Variants in WNK1 observed in about 807,000 individuals in gnomAD.
WNK1 encodes WNK lysine deficient protein kinase 1.
WNK1 carries 38 observed loss-of-function variants against 222.8 expected under a neutral mutation model. The observed-to-expected ratio is 0.17, with a 90% confidence interval of 0.13 to 0.22. The LOEUF is 0.22. Among genes scored for constraint, WNK1 ranks in the 10% least tolerant of loss-of-function variants. WNK1 has a pLI of 1.00. For missense variants in WNK1, 2,348 were observed against 2,918.4 expected (o/e 0.80, Z 4.50); for synonymous variants, 1,090 against 1,092.9 (o/e 1.00, Z 0.05).
Position 812,321 on chromosome 12 carries a change from G to T in WNK1, c.760-1321G>T, listed in dbSNP as rs868705784. On this transcript the variant is annotated intron_variant, in intron 1 of 27. Coordinates refer to ENST00000315939, the MANE Select transcript of WNK1 (RefSeq NM_018979.4). Reference sequence around the variant, plus strand: ...GACACACACACACACTTTTAAAGGGGTATTGAGGGGAAAAGACATTTATGG... The same window carrying T: ...GACACACACACACACTTTTAAAGGGTTATTGAGGGGAAAAGACATTTATGG... Among the ~76,000 whole-genome samples, 14 of 152,246 alleles carry T rather than the reference G, an allele frequency of 9.2e-5. No homozygotes were observed. In the Middle Eastern group the frequency reaches 0.031, roughly 333 times the overall value.
In WNK1 at chr12:885,400, A is replaced by G. The variant is rs2154084344; in HGVS notation, c.4596A>G (p.Thr1532=). Residue 1532 remains threonine, a synonymous_variant, in exon 19 of 28, where the codon ACA becomes ACG. Transcript: ENST00000315939. ...VVVSAHSLDK[T]SHSSTTGLAF... ...TTAGCGCACACTCACTAGATAAGAC[A>G]TCTCATAGCAGTACAACTGGATTGG... 1.9e-6 allele frequency: 3 copies of G among 1,613,706 alleles called. No individual in the cohort carries two copies. Among genetic ancestry groups the G allele is most frequent in the Non-Finnish European group, 2.5e-6 (3 of 1,180,016 alleles).
At chr12:860,935 T>G in intron 6 of WNK1, 78 bp from the exon 7 acceptor site, 1 of 1,365,080 alleles carries the variant, frequency 7.3e-7, no homozygotes. Flanking sequence ...GCCTTTTTTT[T>G]TTTTGGCGGG....
At chr12:757,333 TA>T (rs368419754) in intron 1 of WNK1, among the ~76,000 whole-genome samples, 4,159 of 71,384 alleles carry the variant, frequency 0.058, 126 homozygotes, top group Admixed American at 0.087. Flanking sequence ...TTTTTTTTTT[TA>T]AAAAAAAAAA....
intron 1 of WNK1, among the ~76,000 whole-genome samples, chr12:802,674 T>C (rs533407105): frequency 6.6e-6 from 1 of 152,302 alleles, no homozygotes; most frequent in African/African-American, 2.4e-5. Context: ...TAACAAAGTT[T>C]GGAAGTATAG....
rs143890340 is a variant in WNK1 at position 878,278 on chromosome 12, A to G, written c.2290A>G (p.Thr764Ala). The G allele has an allele frequency of 1.9e-4, 305 of 1,613,956 alleles. 2 individuals are homozygous for G. The highest frequency in any genetic ancestry group is 6.7e-4 in the East Asian group (30 of 44,880). Reference protein sequence around the residue: ...TVQYSLSQTSTSSEATTAQPV... With the variant: ...TVQYSLSQTSASSEATTAQPV... Reference sequence around the variant, plus strand: ...GCAGTATTCACTTTCACAGACATCAACCTCCAGTGAGGCCACTACTGCACA... The same window carrying G: ...GCAGTATTCACTTTCACAGACATCAGCCTCCAGTGAGGCCACTACTGCACA... The change falls in exon 10 of 28, where the codon ACC (threonine) becomes GCC (alanine). Residue 764 changes from threonine (T) to alanine (A), a missense_variant. By Grantham distance (58) the Thr-to-Ala change is moderately conservative (BLOSUM62 0). Around this residue, in one of 13 missense-constraint regions of WNK1, gnomAD observed 547 missense variants for 558.3 expected, o/e 0.98. Coordinates refer to ENST00000315939, the MANE Select transcript of WNK1 (RefSeq NM_018979.4).
chr12:869,840 GA>G (rs1165778225), intron 8 of WNK1, among the ~76,000 whole-genome samples: 1 of 151,280 alleles, frequency 6.6e-6, no homozygotes, highest in African/African-American at 2.4e-5. Context: ...AAGAATTTGT[GA>G]TATGTTGCAA....
chr12:890,511 G>C lies in WNK1; in HGVS notation c.5507G>C (p.Gly1836Ala). 6.2e-7 allele frequency: 1 copy of C among 1,614,062 alleles called. No individual in the cohort carries two copies. Among genetic ancestry groups the C allele is most frequent in the Non-Finnish European group, 8.5e-7 (1 of 1,179,944 alleles). The stretch of plus-strand genomic sequence containing the variant: ...GAAGCAGGAACACAGCCTCAGAAGG[G>C]TGGTGAGAAACATCCTTCCTCCTTT... The part of the protein sequence containing the change: ...ITEAGTQPQK[G>A]VSQVKEGPVL... Residue 1836 changes from glycine (G) to alanine (A), a missense_variant and splice_region_variant, in exon 22 of 28, where the codon GGT becomes GCT. Gly to Ala is a moderately conservative substitution (Grantham distance 60). Transcript: ENST00000315939.
rs1159624614 is a variant in WNK1 at position 802,205 on chromosome 12, ATAAC to A, written c.760-11432_760-11429del. On this transcript the variant is annotated intron_variant, in intron 1 of 27. Transcript: ENST00000315939. ...TTTTAAAGCCCCAAAATTTCTTTTAATAACTAACAGCAATACTAATTAGTTACGA... is the reference window on the plus strand; with the variant it reads ...TTTTAAAGCCCCAAAATTTCTTTTAATAACAGCAATACTAATTAGTTACGA... 3.3e-5 allele frequency among the ~76,000 whole-genome samples: 5 copies of A among 152,334 alleles called. No homozygotes were observed. In the South Asian group the frequency reaches 1.0e-3, roughly 32 times the overall value.
intron 10 of WNK1, 102 bp from the exon 11 acceptor site, chr12:879,471 T>TTCTTTTTGGC: frequency 1.3e-5 from 10 of 749,698 alleles, no homozygotes; most frequent in East Asian, 1.3e-4. Flanking sequence ...TGTTTTTTCC[T>TTCTTTTTGGC]TCTTTTTGGC....
intron 26 of WNK1, chr12:906,304 G>GAA: frequency 1.0e-6 from 1 of 985,194 alleles, no homozygotes; most frequent in African/African-American, 1.7e-5. Context: ...GTGCCTCTTG[G>GAA]AATAATCTTC....
At chr12:875,497 A>G (rs944904845) in intron 9 of WNK1, among the ~76,000 whole-genome samples, 1 of 152,238 alleles carries the variant, frequency 6.6e-6, no homozygotes, top group Non-Finnish European at 1.5e-5. Context: ...GAATAAACAT[A>G]AATTTAGTCC....
chr12:851,331 G>T (rs772203631), intron 4 of WNK1: 56 of 992,100 alleles, frequency 5.6e-5, no homozygotes, highest in Non-Finnish European at 6.2e-5. Context: ...AAGCATCCAA[G>T]AAAGGTTTTG....
chr12:847,661 G>A (rs866142329), intron 4 of WNK1, among the ~76,000 whole-genome samples: 12 of 151,976 alleles, frequency 7.9e-5, no homozygotes, highest in Middle Eastern at 3.4e-3. Flanking sequence ...CATTGATTCG[G>A]CCCGTACTTA....
rs1183688055 is a variant in WNK1 at position 885,350 on chromosome 12, C to A, written c.4546C>A (p.Pro1516Thr). The A allele has an allele frequency of 1.2e-6, 2 of 1,613,898 alleles. No homozygotes were observed. Among genetic ancestry groups the A allele is most frequent in the African/African-American group, 2.7e-5 (2 of 74,928 alleles). The change falls in exon 19 of 28, where the codon CCT becomes ACT. Residue 1516 changes from proline to threonine, a missense_variant. Around this residue, in one of 13 missense-constraint regions of WNK1, gnomAD observed 1,144 missense variants for 1,273.6 expected, o/e 0.90. Coordinates refer to ENST00000315939, the MANE Select transcript of WNK1 (RefSeq NM_018979.4). ...CIQLSSSTST[P>T]TLAETVVVSA... ...TCAGCTTAGCAGCAGTACTTCTACT[C>A]CTACTTTAGCTGAAACCGTGGTAGT...
chr12:827,368 A>T lies in WNK1; in HGVS notation c.1153+106A>T, dbSNP rs1461863208. 20 of 1,013,944 alleles carry T rather than the reference A, an allele frequency of 2.0e-5. No homozygotes were observed. The highest frequency in any genetic ancestry group is 6.2e-6 in the Non-Finnish European group (4 of 646,832). The allele number at this position is 1,013,944 out of a possible 1,614,324, so 62.8% of individuals were successfully genotyped here. Reference sequence around the variant, plus strand: ...AAGTGATATAAACCTTAAGAAATTCATAGCTTGAACTCAGGAGGTGATCCA... The same window carrying T: ...AAGTGATATAAACCTTAAGAAATTCTTAGCTTGAACTCAGGAGGTGATCCA... On this transcript the variant is annotated intron_variant, in intron 3 of 27. Transcript: ENST00000315939. This position sits in a 1 kb window ranked among gnomAD's most constrained non-coding sequence, Gnocchi z 4.6.
At chr12:762,713 T>C (rs1321509416) in intron 1 of WNK1, among the ~76,000 whole-genome samples, 5 of 147,246 alleles carry the variant, frequency 3.4e-5, no homozygotes, top group Non-Finnish European at 6.1e-5. Flanking sequence ...TCCCCACTCT[T>C]CTTCTTAGGG....
chr12:883,102 A>ATTT lies in WNK1; in HGVS notation c.3489+44_3489+45insTTT, dbSNP rs747013860. ...GTTCTAGGTTTTTCCTTAGTACTTG[A>ATTT]TCTTAATAGCCATTGCTCTAGGCAA... On this transcript the variant is annotated intron_variant, in intron 15 of 27. Transcript: ENST00000315939. 18 of 1,358,778 alleles carry ATTT rather than the reference A, an allele frequency of 1.3e-5. No homozygotes were observed. The African/African-American group carries it at 2.4e-4, about 18-fold the overall frequency. 84.2% of individuals were successfully genotyped at this position (1,358,778 alleles called of 1,614,324 possible).
rs564564450 is a variant in WNK1, at chr12:841,233, G to A, written c.1311+11073G>A. On this transcript the variant is annotated intron_variant, in intron 4 of 27. Transcript: ENST00000315939. ...ACCTTCCCATCATCCCCAAAATGAA[G>A]CCCCATACCAGTTAGCAGTCATTTC... Among the ~76,000 whole-genome samples the A allele has an allele frequency of 1.1e-4, 16 of 152,170 alleles. 1 individual carries two copies. In the South Asian group the frequency reaches 2.7e-3, roughly 26 times the overall value.
chr12:845,581 G>C (rs1313356874), intron 4 of WNK1, among the ~76,000 whole-genome samples: 1 of 152,160 alleles, frequency 6.6e-6, no homozygotes, highest in Non-Finnish European at 1.5e-5. Context: ...TCAAATTCCG[G>C]CAATGTCATT....
Sources: gnomAD v4.1 joint callset for allele counts (sites outside exome capture counted in the v4.1 genomes callset) on GRCh38, gnomAD v4.1.1 for gene constraint, gnomAD v4.1.1 regional missense constraint, Gnocchi (gnomAD v3.1) non-coding constraint, MANE v1.5 for transcripts, NCBI Gene and HGNC (gene_info 2026-07-23, HGNC 2026-07-21) for gene names.